Variants in IRS1 observed in about 807,000 individuals in gnomAD.
IRS1 encodes the protein insulin receptor substrate 1.
A neutral mutation model predicts 65.6 loss-of-function variants in IRS1; 34 were observed. That is an observed-to-expected ratio of 0.52 (90% CI 0.39 to 0.69). The LOEUF (loss-of-function observed/expected upper bound fraction) is 0.69, where lower values mean the gene tolerates loss of function less well. Among genes scored for constraint, IRS1 ranks in the 30% least tolerant of loss-of-function variants. IRS1 has a pLI of 0.00. For missense variants in IRS1, 1,641 were observed against 1,720.2 expected, an observed-to-expected ratio of 0.95 and a Z score of 0.81; for synonymous variants, 699 against 683.5, an observed-to-expected ratio of 1.02 and a Z score of -0.35.
chr2:226,781,819 A>G (rs976773356), intron 1 of IRS1, among the ~76,000 whole-genome samples: 6 of 149,658 alleles, frequency 4.0e-5, no homozygotes, highest in Non-Finnish European at 8.9e-5. Context: ...AACCTTTTTT[A>G]TTGGACTGCA....
intron 1 of IRS1, among the ~76,000 whole-genome samples, chr2:226,766,149 A>ATTT (rs1559152030): frequency 1.3e-3 from 5 of 3,932 alleles, no homozygotes; most frequent in Non-Finnish European, 3.0e-3. Context: ...ATATATATAT[A>ATTT]TATATATATA....
intron 1 of IRS1, among the ~76,000 whole-genome samples, chr2:226,768,013 C>T (rs1939089190): frequency 1.3e-5 from 2 of 152,188 alleles, no homozygotes; most frequent in Admixed American, 1.3e-4. Context: ...TAGCTTACTA[C>T]CCCAATCACA....
chr2:226,796,213 A>T lies in IRS1; in HGVS notation c.2526T>A (p.Pro842=). Residue 842 remains proline (P), a synonymous_variant, in exon 1 of 2, where the codon CCT becomes CCA. Coordinates refer to ENST00000305123, the MANE Select transcript of IRS1 (RefSeq NM_005544.3). The part of the protein sequence containing the change: ...PHHQVLQPHL[P]RKVDTAAQTN... Reference sequence around the variant, plus strand: ...TCTGAGCAGCTGTGTCCACCTTTCGAGGCAGATGGGGCTGCAGAACCTGAT... The same window carrying T: ...TCTGAGCAGCTGTGTCCACCTTTCGTGGCAGATGGGGCTGCAGAACCTGAT... The T allele has an allele frequency of 1.9e-6, 3 of 1,613,290 alleles. No homozygotes were observed. Among genetic ancestry groups the T allele is most frequent in the Non-Finnish European group, 2.5e-6 (3 of 1,179,746 alleles).
In IRS1 at chr2:226,799,390, T is replaced by G; in HGVS notation, c.-652A>C. The G allele has an allele frequency of 7.9e-7, 1 of 1,259,862 alleles. No individual in the cohort carries two copies. Among genetic ancestry groups the G allele is most frequent in the Non-Finnish European group, 1.0e-6 (1 of 969,088 alleles). The allele number at this position is 1,259,862 out of a possible 1,614,324, so 78.0% of individuals were successfully genotyped here. On this transcript the variant is annotated 5_prime_UTR_variant, in exon 1 of 2. Transcript: ENST00000305123. The surrounding 1 kb of genome is among the most constrained non-coding windows in gnomAD (Gnocchi z 6.1). ...TTGCTGCTGCTGCTGCTGCTGCTGC[T>G]GCCGCCGCCCGCGGGCGCGTCCTCT...
In IRS1 at chr2:226,737,698, A is replaced by G. The variant is rs983313936; in HGVS notation, c.*22-1448T>C. On this transcript the variant is annotated intron_variant, in intron 1 of 1. Coordinates refer to ENST00000305123, the MANE Select transcript of IRS1 (RefSeq NM_005544.3). ...GCATGGGGGCAATAGCTCTAGACAC[A>G]TGGAGGATGGAAAGAATCCTCCCAG... 2.0e-5 allele frequency among the ~76,000 whole-genome samples: 3 copies of G among 152,184 alleles called. No individual in the cohort carries two copies. In the South Asian group the frequency reaches 6.2e-4, roughly 31 times the overall value.
chr2:226,794,915 A>G lies in IRS1; in HGVS notation c.*21+74T>C, dbSNP rs1939677798. On this transcript the variant is annotated intron_variant, in intron 1 of 1. Coordinates refer to ENST00000305123, the MANE Select transcript of IRS1 (RefSeq NM_005544.3). This position sits in a 1 kb window ranked among gnomAD's most constrained non-coding sequence, Gnocchi z 4.1. ...GCAGTGGGAAAGAACAGGAAGGGGC[A>G]GAGGCGAAGAACAGAATTCAAGGAC... 2 of 1,291,578 alleles carry G rather than the reference A, an allele frequency of 1.5e-6. No homozygotes were observed. Among genetic ancestry groups the G allele is most frequent in the East Asian group, 2.3e-5 (1 of 43,448 alleles). The allele number at this position is 1,291,578 out of a possible 1,614,324, so 80.0% of individuals were successfully genotyped here.
chr2:226,779,777 T>C (rs1200626848), intron 1 of IRS1, among the ~76,000 whole-genome samples: 1 of 152,182 alleles, frequency 6.6e-6, no homozygotes, highest in East Asian at 1.9e-4. Context: ...CACACCAGTT[T>C]AGAATACACA....
chr2:226,798,972 G>C lies in IRS1; in HGVS notation c.-234C>G. 6.9e-7 allele frequency: 1 copy of C among 1,442,012 alleles called. No individual in the cohort carries two copies. 89.3% of individuals were successfully genotyped at this position (1,442,012 alleles called of 1,614,324 possible). On this transcript the variant is annotated 5_prime_UTR_variant, in exon 1 of 2. Coordinates refer to ENST00000305123, the MANE Select transcript of IRS1 (RefSeq NM_005544.3). This position sits in a 1 kb window ranked among gnomAD's most constrained non-coding sequence, Gnocchi z 9.4. ...AGTTTTCGGGCGCTTCACGCCCGGC[G>C]GGGAGGCAGTGCGTCCGGGGTGAGG... is the stretch of plus-strand genomic sequence containing the variant.
intron 1 of IRS1, among the ~76,000 whole-genome samples, chr2:226,761,615 A>G (rs1414255718): frequency 1.3e-5 from 2 of 152,192 alleles, no homozygotes; most frequent in Non-Finnish European, 2.9e-5. Context: ...AATAAAAGCT[A>G]GTTGAGCTTC....
intron 1 of IRS1, among the ~76,000 whole-genome samples, chr2:226,778,371 C>G (rs1474355027): frequency 1.3e-5 from 2 of 152,066 alleles, no homozygotes; most frequent in Non-Finnish European, 2.9e-5. Context: ...CTAGAAAAAG[C>G]AACCTTAAAA....
chr2:226,742,061 C>T (rs1229608420), intron 1 of IRS1, among the ~76,000 whole-genome samples: 1 of 152,168 alleles, frequency 6.6e-6, no homozygotes, highest in Non-Finnish European at 1.5e-5. Context: ...AAGCTGCATT[C>T]TCCTGGTCCA....
intron 1 of IRS1, among the ~76,000 whole-genome samples, chr2:226,751,975 C>A (rs1180602414): frequency 1.3e-5 from 2 of 151,966 alleles, no homozygotes; most frequent in African/African-American, 2.4e-5. Context: ...CAGATCTCAT[C>A]CCAAATAAAT....
intron 1 of IRS1, among the ~76,000 whole-genome samples, chr2:226,759,602 A>G (rs1056379415): frequency 3.3e-5 from 5 of 152,240 alleles, no homozygotes; most frequent in African/African-American, 9.6e-5. Flanking sequence ...GTGAGCAGAG[A>G]AACACTTTTA....
intron 1 of IRS1, among the ~76,000 whole-genome samples, chr2:226,777,804 G>A (rs1210728202): frequency 6.6e-6 from 1 of 152,178 alleles, no homozygotes; most frequent in Non-Finnish European, 1.5e-5. Flanking sequence ...CCCCAGCCAG[G>A]TGGAACTGTA....
At chr2:226,791,785 G>A (rs917161761) in intron 1 of IRS1, among the ~76,000 whole-genome samples, 5 of 151,990 alleles carry the variant, frequency 3.3e-5, no homozygotes, top group Non-Finnish European at 7.4e-5. Flanking sequence ...GCGCGGCTGT[G>A]CCCGAGGGCG....
At chr2:226,752,364 C>G (rs1252700167) in intron 1 of IRS1, among the ~76,000 whole-genome samples, 7 of 152,214 alleles carry the variant, frequency 4.6e-5, no homozygotes, top group Non-Finnish European at 1.0e-4. Context: ...GGAAGGCAAA[C>G]AGGCCCTGAA....
chr2:226,751,735 C>T (rs1365101479), intron 1 of IRS1, among the ~76,000 whole-genome samples: 1 of 152,104 alleles, frequency 6.6e-6, no homozygotes, highest in Admixed American at 6.6e-5. Context: ...GACTCTGACA[C>T]CTGAGAGGCT....
At chr2:226,746,816 G>A (rs1938556547) in intron 1 of IRS1, among the ~76,000 whole-genome samples, 1 of 134,788 alleles carries the variant, frequency 7.4e-6, no homozygotes, top group African/African-American at 2.8e-5. Context: ...TTGAGACAGA[G>A]TCTTGCTCTG....
In IRS1 at chr2:226,735,709, G is replaced by A. The variant is rs1290021239; in HGVS notation, c.*563C>T. 1 of 152,488 alleles carries A rather than the reference G, an allele frequency of 6.6e-6. No homozygotes were observed. The highest frequency in any genetic ancestry group is 1.5e-5 in the Non-Finnish European group (1 of 68,012). The allele number at this position is 152,488 out of a possible 1,614,324, so 9.4% of individuals were successfully genotyped here. On this transcript the variant is annotated 3_prime_UTR_variant, in exon 2 of 2. Transcript: ENST00000305123. ...AGCATTTGCTCCACTCTTTACAACA[G>A]AACATTGTATACCTCCATCCCACAT...
Sources: gnomAD v4.1 joint callset for allele counts (sites outside exome capture counted in the v4.1 genomes callset) on GRCh38, gnomAD v4.1.1 for gene constraint, Gnocchi (gnomAD v3.1) non-coding constraint, MANE v1.5 for transcripts, NCBI Gene and HGNC (gene_info 2026-07-23, HGNC 2026-07-21) for gene names.